The following CDK14 variants were observed in gnomAD, a reference collection of about 807,000 sequenced individuals.
The protein encoded by CDK14 is cyclin dependent kinase 14, also known as cyclin-dependent kinase 14.
A neutral mutation model predicts 60.7 loss-of-function variants in CDK14; 34 were observed. The ratio of observed to expected loss-of-function variants is 0.56; its 90% CI spans 0.43 to 0.75. The LOEUF is 0.75. CDK14 is among the 30% of genes least tolerant of loss of function. The probability of loss-of-function intolerance (pLI) is 0.00; values close to 1 mark genes in which losing one functional copy is unlikely to be tolerated. For missense variants in CDK14, 482 were observed against 564.1 expected, an observed-to-expected ratio of 0.85 and a Z score of 1.47; for synonymous variants, 197 against 203.7, an observed-to-expected ratio of 0.97 and a Z score of 0.28.
intron 2 of CDK14, chr7:90,710,358 C>A (rs746199068): frequency 1.0e-6 from 1 of 984,912 alleles, no homozygotes; most frequent in Non-Finnish European, 1.2e-6. Context: ...GGCTGAATGC[C>A]CTCTGAGTCA....
chr7:90,795,038 T>A (rs1806000435), intron 5 of CDK14, among the ~76,000 whole-genome samples: 1 of 152,224 alleles, frequency 6.6e-6, no homozygotes, highest in Admixed American at 6.5e-5. Flanking sequence ...AGCTTTTTTT[T>A]AATGTCTTAC....
chr7:90,783,803 A>C (rs1041209772), intron 4 of CDK14, among the ~76,000 whole-genome samples: 4 of 152,300 alleles, frequency 2.6e-5, no homozygotes, highest in Admixed American at 2.6e-4. Context: ...ATATGGAGAA[A>C]GGGGAACACT....
chr7:91,152,204 T>C (rs1485796536), intron 14 of CDK14, among the ~76,000 whole-genome samples: 9 of 152,180 alleles, frequency 5.9e-5, no homozygotes, highest in Non-Finnish European at 1.3e-4. Context: ...AACTTAAGAG[T>C]AATTTAGAAT....
intron 14 of CDK14, among the ~76,000 whole-genome samples, chr7:91,178,711 T>A (rs1221976349): frequency 6.6e-6 from 1 of 151,740 alleles, no homozygotes; most frequent in African/African-American, 2.4e-5. Flanking sequence ...GAAAAAATGC[T>A]CATCATCACT....
chr7:90,797,943 G>A (rs1258085699), intron 5 of CDK14, among the ~76,000 whole-genome samples: 6 of 151,962 alleles, frequency 3.9e-5, no homozygotes, highest in African/African-American at 1.5e-4. Context: ...ATTTAGGTGA[G>A]GGCACAGACT....
At chr7:90,830,302 G>C (rs1376791722) in intron 5 of CDK14, among the ~76,000 whole-genome samples, 1 of 152,160 alleles carries the variant, frequency 6.6e-6, no homozygotes, top group Non-Finnish European at 1.5e-5. Flanking sequence ...CCACATGGAA[G>C]CCTCCAAGGC....
chr7:90,718,008 A>G (rs1362633438), intron 2 of CDK14, among the ~76,000 whole-genome samples: 1 of 152,096 alleles, frequency 6.6e-6, no homozygotes, highest in Non-Finnish European at 1.5e-5. Context: ...ATATAATAAC[A>G]TATATTTCAG....
intron 7 of CDK14, among the ~76,000 whole-genome samples, chr7:90,901,629 G>A (rs1792507417): frequency 6.6e-6 from 1 of 151,442 alleles, no homozygotes; most frequent in African/African-American, 2.4e-5. Flanking sequence ...AAACTAAGAG[G>A]TCTTCACTTT....
At chr7:91,039,695 G>A (rs1008989780) in intron 10 of CDK14, among the ~76,000 whole-genome samples, 4 of 151,944 alleles carry the variant, frequency 2.6e-5, no homozygotes, top group African/African-American at 9.7e-5. Flanking sequence ...TCTGTCCTTG[G>A]CCACTCTTAT....
At chr7:91,063,298 AAAAACTT>A (rs1348460056) in intron 11 of CDK14, among the ~76,000 whole-genome samples, 4 of 152,310 alleles carry the variant, frequency 2.6e-5, no homozygotes, top group African/African-American at 9.6e-5. Context: ...GAGAAAGAAA[AAAAACTT>A]CGTTTCCAAT....
chr7:91,072,430 G>A (rs1390534365), intron 11 of CDK14, among the ~76,000 whole-genome samples: 1 of 152,094 alleles, frequency 6.6e-6, no homozygotes, highest in Non-Finnish European at 1.5e-5. Flanking sequence ...ATACAGAAGA[G>A]GGACCTGACC....
chr7:90,863,935 C>G (rs1390905525), intron 6 of CDK14, among the ~76,000 whole-genome samples: 1 of 151,994 alleles, frequency 6.6e-6, no homozygotes, highest in Admixed American at 6.6e-5. Flanking sequence ...ACTGTGGAAT[C>G]GTGAAATGTA....
chr7:91,196,489 C>T (rs1802546963), intron 14 of CDK14, among the ~76,000 whole-genome samples: 2 of 152,248 alleles, frequency 1.3e-5, no homozygotes, highest in Admixed American at 1.3e-4. Flanking sequence ...TCAATTGATG[C>T]TGTTGCTCCT....
At chr7:91,025,271 C>T (rs908106916) in intron 10 of CDK14, among the ~76,000 whole-genome samples, 16 of 152,066 alleles carry the variant, frequency 1.1e-4, no homozygotes, top group Admixed American at 2.0e-4. Context: ...TTCTTCTGAC[C>T]TCCTAAGTCT....
chr7:90,646,816 AT>A (rs1034028015), intron 2 of CDK14, among the ~76,000 whole-genome samples: 1 of 152,190 alleles, frequency 6.6e-6, no homozygotes, highest in Non-Finnish European at 1.5e-5. Context: ...ATTGGTGAAC[AT>A]TTAGGTTGTT....
At chr7:90,629,243 C>T (rs1476942311) in intron 2 of CDK14, among the ~76,000 whole-genome samples, 1 of 152,160 alleles carries the variant, frequency 6.6e-6, no homozygotes, top group Admixed American at 6.5e-5. Flanking sequence ...TTTAGTAGTT[C>T]ACAAACTCCT....
chr7:91,134,089 T>C (rs1355886832), intron 14 of CDK14, among the ~76,000 whole-genome samples: 1 of 152,146 alleles, frequency 6.6e-6, no homozygotes, highest in African/African-American at 2.4e-5. Flanking sequence ...GCTGCTAATC[T>C]CAATGGGCTT....
At chr7:90,894,840 A>C (rs1433149799) in intron 6 of CDK14, among the ~76,000 whole-genome samples, 1 of 152,174 alleles carries the variant, frequency 6.6e-6, no homozygotes, top group African/African-American at 2.4e-5. Context: ...TCACATTAAC[A>C]TATGTTTTTA....
intron 10 of CDK14, among the ~76,000 whole-genome samples, chr7:91,018,751 G>C (rs991794084): frequency 1.3e-5 from 2 of 152,160 alleles, no homozygotes; most frequent in African/African-American, 4.8e-5. Context: ...CTCTAGTCAC[G>C]TAAAACGTGC....
Sources: allele counts gnomAD v4.1 joint callset (sites outside exome capture counted in the v4.1 genomes callset), GRCh38; gene constraint gnomAD v4.1.1; transcripts MANE v1.5; gene names NCBI Gene and HGNC (gene_info 2026-07-23, HGNC 2026-07-21).